The following RBPMS2 variants were observed in gnomAD, a reference collection of about 807,000 sequenced individuals.
The protein encoded by RBPMS2 is RNA-binding protein with multiple splicing 2.
Under a neutral mutation model 25.7 loss-of-function variants are expected in RBPMS2, and 14 were observed. That is an observed-to-expected ratio of 0.55 (90% CI 0.36 to 0.85). The LOEUF is 0.85. RBPMS2 is among the 40% of genes least tolerant of loss of function. The probability of loss-of-function intolerance (pLI) is 0.01; values close to 1 mark genes in which losing one functional copy is unlikely to be tolerated. For missense variants in RBPMS2, 252 were observed against 283.4 expected (o/e 0.89, Z 0.80); for synonymous variants, 127 against 115.6 (o/e 1.10, Z -0.63).
At chr15:64,769,099 TCAAAAAAAAAA>T (rs2083872505) in intron 1 of RBPMS2, among the ~76,000 whole-genome samples, 1 of 21,790 alleles carries the variant, frequency 4.6e-5, no homozygotes. Flanking sequence ...AGACTTCGTC[TCAAAAAAAAAA>T]AAAAAAAAAA....
chr15:64,749,780 A>G (rs2083658368), intron 3 of RBPMS2, among the ~76,000 whole-genome samples: 2 of 152,180 alleles, frequency 1.3e-5, no homozygotes, highest in African/African-American at 4.8e-5. Flanking sequence ...CCCTTTTAGT[A>G]AAAGTATTGT....
chr15:64,748,221 T>C (rs1209671579), intron 6 of RBPMS2, among the ~76,000 whole-genome samples, 198 bp downstream of exon 6: 1 of 152,148 alleles, frequency 6.6e-6, no homozygotes, highest in East Asian at 1.9e-4. Context: ...ACTCGTGGGT[T>C]ATCTTCTCCC....
At chr15:64,768,035 G>A (rs1173497552) in intron 1 of RBPMS2, among the ~76,000 whole-genome samples, 1 of 152,136 alleles carries the variant, frequency 6.6e-6, no homozygotes, top group African/African-American at 2.4e-5. Context: ...GCCCGTATGT[G>A]GAAAAGGAAG....
At chr15:64,754,120 G>A (rs1023014374) in intron 1 of RBPMS2, among the ~76,000 whole-genome samples, 3 of 152,130 alleles carry the variant, frequency 2.0e-5, no homozygotes, top group African/African-American at 7.2e-5. Flanking sequence ...AGACCAGCCT[G>A]GCCGACGTGG....
At chr15:64,761,836 A>G (rs1359694872) in intron 1 of RBPMS2, among the ~76,000 whole-genome samples, 1 of 151,328 alleles carries the variant, frequency 6.6e-6, no homozygotes, top group Non-Finnish European at 1.5e-5. Flanking sequence ...AGCCTCCCAA[A>G]TAGCTGGGAT....
At chr15:64,766,738 C>T (rs1278642332) in intron 1 of RBPMS2, among the ~76,000 whole-genome samples, 2 of 151,906 alleles carry the variant, frequency 1.3e-5, no homozygotes, top group Non-Finnish European at 2.9e-5. Context: ...ACCGTGTTAG[C>T]CAGGATGGTC....
At chr15:64,745,671 A>C (rs2083612210) in intron 6 of RBPMS2, among the ~76,000 whole-genome samples, 1 of 152,178 alleles carries the variant, frequency 6.6e-6, no homozygotes, top group Non-Finnish European at 1.5e-5. Context: ...CCTGCCATCC[A>C]CAGTTGCTTT....
intron 1 of RBPMS2, among the ~76,000 whole-genome samples, chr15:64,768,831 T>C (rs2083869674): frequency 6.8e-6 from 1 of 147,728 alleles, no homozygotes; most frequent in Non-Finnish European, 1.5e-5. Context: ...CCGGGCGCCG[T>C]GGCTCATGTC....
intron 3 of RBPMS2, among the ~76,000 whole-genome samples, chr15:64,749,786 AT>A (rs1044312487): frequency 6.6e-6 from 1 of 152,162 alleles, no homozygotes; most frequent in African/African-American, 2.4e-5. Flanking sequence ...TAGTAAAAGT[AT>A]TGTTTTTAAT....
At chr15:64,762,804 A>G (rs1376235658) in intron 1 of RBPMS2, among the ~76,000 whole-genome samples, 1 of 152,152 alleles carries the variant, frequency 6.6e-6, no homozygotes, top group Non-Finnish European at 1.5e-5. Context: ...TGAGTCTCAG[A>G]TAAGACTCAG....
chr15:64,747,798 C>T (rs1218207081), intron 6 of RBPMS2, among the ~76,000 whole-genome samples: 2 of 152,162 alleles, frequency 1.3e-5, no homozygotes, highest in African/African-American at 4.8e-5. Flanking sequence ...CTAACAGCCC[C>T]GACTCTCCCC....
intron 6 of RBPMS2, among the ~76,000 whole-genome samples, chr15:64,744,963 C>T (rs1377969355): frequency 6.6e-6 from 1 of 151,134 alleles, no homozygotes; most frequent in Admixed American, 6.6e-5. Flanking sequence ...TACAGGTGCC[C>T]GCCACCACGC....
At chr15:64,746,337 C>G (rs1347180301) in intron 6 of RBPMS2, among the ~76,000 whole-genome samples, 4 of 152,204 alleles carry the variant, frequency 2.6e-5, no homozygotes, top group Non-Finnish European at 5.9e-5. Context: ...CCTCCAGCCT[C>G]AGAGAGGACC....
rs2083544783 is a variant in RBPMS2, at chr15:64,740,018, A to G, written c.*990T>C. 6.5e-6 allele frequency: 1 copy of G among 152,686 alleles called. No homozygotes were observed. Among genetic ancestry groups the G allele is most frequent in the African/African-American group, 2.4e-5 (1 of 41,472 alleles). 9.5% of individuals were successfully genotyped at this position (152,686 alleles called of 1,614,324 possible). ...GGCCAGACGGTCACAGCTGCGGCTG[A>G]CAGTAAAGCACTGATATGCTCAAAA... On this transcript the variant is annotated 3_prime_UTR_variant, in exon 8 of 8. Transcript: ENST00000300069.
intron 1 of RBPMS2, among the ~76,000 whole-genome samples, chr15:64,759,134 C>T (rs977516689): frequency 6.6e-6 from 1 of 152,058 alleles, no homozygotes; most frequent in African/African-American, 2.4e-5. Flanking sequence ...GGAGGCCCCT[C>T]AGTCTCACTC....
At chr15:64,745,068 C>T (rs1375415655) in intron 6 of RBPMS2, among the ~76,000 whole-genome samples, 1 of 151,990 alleles carries the variant, frequency 6.6e-6, no homozygotes, top group Non-Finnish European at 1.5e-5. Context: ...CCCACCTCGG[C>T]CTCCCAAAGT....
intron 6 of RBPMS2, among the ~76,000 whole-genome samples, chr15:64,746,139 T>C (rs2083616719): frequency 6.6e-6 from 1 of 152,170 alleles, no homozygotes; most frequent in Non-Finnish European, 1.5e-5. Context: ...TAAAACAACC[T>C]GTTTTACTAT....
At chr15:64,750,460 C>T in intron 2 of RBPMS2, 79 bp from the exon 3 acceptor site, 1 of 1,213,514 alleles carries the variant, frequency 8.2e-7, no homozygotes, top group Non-Finnish European at 1.2e-6. Context: ...CTCATCAGCC[C>T]CCGCGTTCCC....
Position 64,749,487 on chromosome 15 carries a change from C to T in RBPMS2, c.211G>A (p.Gly71Ser). Residue 71 changes from glycine (G) to serine (S), a missense_variant, in exon 4 of 8, where the codon GGT (glycine) becomes AGT (serine). Gly to Ser is a moderately conservative substitution (Grantham distance 56). Coordinates refer to ENST00000300069, the MANE Select transcript of RBPMS2 (RefSeq NM_194272.3). The part of the protein sequence containing the change: ...LIKLTARQPV[G>S]FVIFDSRAGA... ...GCACGGCTGTCAAAGATCACAAAAC[C>T]AACAGGCTAGTAGGAAAAAGAGAGA... is the stretch of plus-strand genomic sequence containing the variant. 1 of 1,612,782 alleles carries T rather than the reference C, an allele frequency of 6.2e-7. No individual in the cohort carries two copies. Among genetic ancestry groups the T allele is most frequent in the Non-Finnish European group, 8.5e-7 (1 of 1,179,784 alleles).
Sources: gnomAD v4.1 joint callset for allele counts (sites outside exome capture counted in the v4.1 genomes callset) on GRCh38, gnomAD v4.1.1 for gene constraint, MANE v1.5 for transcripts, NCBI Gene and HGNC (gene_info 2026-07-23, HGNC 2026-07-21) for gene names.